Variants in RO60 observed in about 807,000 individuals in gnomAD.
The protein encoded by RO60 is RNA-binding protein RO60.
RO60 carries 20 observed loss-of-function variants against 55.3 expected under a neutral mutation model. The observed-to-expected ratio is 0.36, with a 90% CI of 0.25 to 0.53. RO60 has a LOEUF of 0.53. Ranked by LOEUF, RO60 falls within the 20% of genes least tolerant of loss-of-function variation. RO60 has a pLI of 0.92. For missense variants in RO60, 558 were observed against 646.6 expected (o/e 0.86, Z 1.49); for synonymous variants, 213 against 213.6 (o/e 1.00, Z 0.02).
At chr1:193,064,764 A>G (rs1424704989) in intron 1 of RO60, among the ~76,000 whole-genome samples, 2 of 152,208 alleles carry the variant, frequency 1.3e-5, no homozygotes, top group Admixed American at 6.5e-5. Flanking sequence ...ATATCATAAC[A>G]TGCAAAAGGA....
At chr1:193,074,507 A>C (rs544893425) in intron 2 of RO60, among the ~76,000 whole-genome samples, 7 of 152,228 alleles carry the variant, frequency 4.6e-5, no homozygotes, top group Middle Eastern at 3.4e-3. Flanking sequence ...GCATGTTTTC[A>C]TATGTCTTTT....
intron 1 of RO60, among the ~76,000 whole-genome samples, chr1:193,063,190 T>G (rs750213412): frequency 6.6e-6 from 1 of 152,212 alleles, no homozygotes; most frequent in Admixed American, 6.5e-5. Flanking sequence ...CAACACTTAA[T>G]ATTATTGTTT....
At chr1:193,068,077 G>A in intron 1 of RO60, among the ~76,000 whole-genome samples, 1 of 152,156 alleles carries the variant, frequency 6.6e-6, no homozygotes, top group Admixed American at 6.5e-5. Flanking sequence ...TTAAGAGCCT[G>A]AGCCCCCTTT....
intron 2 of RO60, among the ~76,000 whole-genome samples, chr1:193,072,434 CT>C (rs772802885): frequency 2.5e-3 from 349 of 137,540 alleles, no homozygotes; most frequent in Non-Finnish European, 2.3e-3. Context: ...TTTTCTTTGT[CT>C]TTTTTTTTTT....
chr1:193,084,410 C>T lies in RO60; in HGVS notation c.1465-169C>T, dbSNP rs188246086. Among the ~76,000 whole-genome samples, 378 of 152,288 alleles carry T rather than the reference C, an allele frequency of 2.5e-3. 1 individual carries two copies. Among genetic ancestry groups the T allele is most frequent in the African/African-American group, 8.8e-3 (365 of 41,546 alleles). On this transcript the variant is annotated intron_variant, in intron 8 of 8. Coordinates refer to ENST00000400968, the MANE Select transcript of RO60 (RefSeq NM_001173524.2). ...AGATTCTTATACAATTTTATTGTCC[C>T]TTCTTCTAAAACTCCCATATTCTAG...
rs1443621461 is a variant in RO60 at position 193,076,483 on chromosome 1, C to T, written c.802-18C>T. ...TTTCCCTTAATTCCTGGTATTTCTG[C>T]CTATGTTATTGCAATAGGTATGGAA... On this transcript the variant is annotated intron_variant, in intron 3 of 8. Coordinates refer to ENST00000400968, the MANE Select transcript of RO60 (RefSeq NM_001173524.2). 8 of 1,604,978 alleles carry T rather than the reference C, an allele frequency of 5.0e-6. No homozygotes were observed. Among genetic ancestry groups the T allele is most frequent in the Middle Eastern group, 1.7e-4 (1 of 6,014 alleles).
At chr1:193,063,816 C>T (rs1672940004) in intron 1 of RO60, among the ~76,000 whole-genome samples, 1 of 152,210 alleles carries the variant, frequency 6.6e-6, no homozygotes, top group East Asian at 1.9e-4. Context: ...CAAGACTTCC[C>T]ATAATCCCCT....
At position 193,086,863 on chromosome 1, in the gene RO60, G is replaced by A. The variant is rs576948733; in HGVS notation, c.*2132G>A. On this transcript the variant is annotated 3_prime_UTR_variant, in exon 9 of 9. Coordinates refer to ENST00000400968, the MANE Select transcript of RO60 (RefSeq NM_001173524.2). Reference sequence around the variant, plus strand: ...CACAGAAGGTAACTTTTCAAATCATGGCATATTTGAGCTGGAAGAAACCTT... The same window carrying A: ...CACAGAAGGTAACTTTTCAAATCATAGCATATTTGAGCTGGAAGAAACCTT... 24 of 152,138 alleles carry A rather than the reference G, an allele frequency of 1.6e-4. No homozygotes were observed. The highest frequency in any genetic ancestry group is 3.4e-3 in the Middle Eastern group (1 of 294). The allele number at this position is 152,138 out of a possible 1,614,324, so 9.4% of individuals were successfully genotyped here.
chr1:193,068,834 T>A (rs1247451509), intron 1 of RO60, among the ~76,000 whole-genome samples, 200 bp from the exon 2 acceptor site: 1 of 152,228 alleles, frequency 6.6e-6, no homozygotes, highest in Admixed American at 6.5e-5. Context: ...CAGATATGGT[T>A]TTTTTCTTTC....
At chr1:193,068,260 T>G (rs891479191) in intron 1 of RO60, among the ~76,000 whole-genome samples, 13 of 152,186 alleles carry the variant, frequency 8.5e-5, no homozygotes, top group African/African-American at 2.7e-4. Flanking sequence ...GTATACATGC[T>G]TAGGCCTCAC....
chr1:193,089,664 A>G lies in RO60; in HGVS notation c.*4933A>G, dbSNP rs899427381. On this transcript the variant is annotated 3_prime_UTR_variant, in exon 9 of 9. Transcript: ENST00000400968. Reference sequence around the variant, plus strand: ...TGTGGAAATTACGATGATTATTTTCAGTGAGAATGAATTTATATATACAAC... The same window carrying G: ...TGTGGAAATTACGATGATTATTTTCGGTGAGAATGAATTTATATATACAAC... 1 of 152,166 alleles carries G rather than the reference A, an allele frequency of 6.6e-6. No individual in the cohort carries two copies. Among genetic ancestry groups the G allele is most frequent in the African/African-American group, 2.4e-5 (1 of 41,442 alleles). 9.4% of individuals were successfully genotyped at this position (152,166 alleles called of 1,614,324 possible). A position where few individuals can be genotyped will look rare whatever the true frequency, so the allele number is the denominator to read the frequency against.
rs770523992 is a variant in RO60 at position 193,081,340 on chromosome 1, A to G, written c.1087-24A>G. ...ACTTATAATTTCTGTTATGCTTTTA[A>G]TGATTGTTTTGTTTTCTCTGTAGAC... On this transcript the variant is annotated intron_variant, in intron 5 of 8. Transcript: ENST00000400968. 3.4e-5 allele frequency: 44 copies of G among 1,304,240 alleles called. 1 individual carries two copies. The Admixed American group carries it at 7.4e-4, about 22-fold the overall frequency. The allele number at this position is 1,304,240 out of a possible 1,614,324, so 80.8% of individuals were successfully genotyped here.
chr1:193,077,135 G>A, intron 5 of RO60, 85 bp downstream of exon 5: 3 of 1,306,886 alleles, frequency 2.3e-6, no homozygotes. Flanking sequence ...AGTATTAATA[G>A]TTTAATCATT....
chr1:193,060,867 A>G (rs962766241), intron 1 of RO60, among the ~76,000 whole-genome samples: 3 of 152,252 alleles, frequency 2.0e-5, no homozygotes, highest in Non-Finnish European at 4.4e-5. Flanking sequence ...AGAGTCCAGA[A>G]TGATTGGCAT....
intron 8 of RO60, 90 bp from the exon 9 acceptor site, chr1:193,084,489 T>C: frequency 7.2e-7 from 1 of 1,386,106 alleles, no homozygotes; most frequent in Non-Finnish European, 9.5e-7. Flanking sequence ...AAAGCTCTGG[T>C]AGAGAAATGT....
At chr1:193,080,853 CTAGG>C (rs1451919450) in intron 5 of RO60, among the ~76,000 whole-genome samples, 56 of 152,172 alleles carry the variant, frequency 3.7e-4, no homozygotes, top group African/African-American at 1.2e-3. Context: ...TTGCCAGGGG[CTAGG>C]GAGAGACATG....
chr1:193,059,936 C>A lies in RO60; in HGVS notation c.-22+160C>A. The A allele has an allele frequency of 7.3e-7, 1 of 1,366,388 alleles. No homozygotes were observed. 84.6% of individuals were successfully genotyped at this position (1,366,388 alleles called of 1,614,324 possible). A position where few individuals can be genotyped will look rare whatever the true frequency, so the allele number is the denominator to read the frequency against. On this transcript the variant is annotated intron_variant, in intron 1 of 8. Coordinates refer to ENST00000400968, the MANE Select transcript of RO60 (RefSeq NM_001173524.2). The surrounding 1 kb of genome is among the most constrained non-coding windows in gnomAD (Gnocchi z 4.9). ...TTCCCCGTCCCGCTTCCGCGCCTGTCCACCCTGGGTAACGGAACCAGCATC... is the reference window on the plus strand; with the variant it reads ...TTCCCCGTCCCGCTTCCGCGCCTGTACACCCTGGGTAACGGAACCAGCATC...
chr1:193,082,532 T>G, intron 7 of RO60, 30 bp from the exon 8 acceptor site: 3 of 1,610,080 alleles, frequency 1.9e-6, no homozygotes, highest in South Asian at 1.1e-5. Context: ...ATTTATTTAC[T>G]TATTTATTCA....
rs888141894 is a variant in RO60, at chr1:193,086,397, A to G, written c.*1666A>G. The G allele has an allele frequency of 1.3e-5, 2 of 152,140 alleles. No homozygotes were observed. The highest frequency in any genetic ancestry group is 4.8e-5 in the African/African-American group (2 of 41,436). The allele number at this position is 152,140 out of a possible 1,614,324, so 9.4% of individuals were successfully genotyped here. A position where few individuals can be genotyped will look rare whatever the true frequency, so the allele number is the denominator to read the frequency against. Reference sequence around the variant, plus strand: ...GAGATATTTTTGTTCAGCAAAGCTCATAGCACCCTCACCCCCACTCCAGAC... The same window carrying G: ...GAGATATTTTTGTTCAGCAAAGCTCGTAGCACCCTCACCCCCACTCCAGAC... On this transcript the variant is annotated 3_prime_UTR_variant, in exon 9 of 9. Transcript: ENST00000400968.
Sources: allele counts gnomAD v4.1 joint callset (sites outside exome capture counted in the v4.1 genomes callset), GRCh38; gene constraint gnomAD v4.1.1; non-coding constraint Gnocchi (gnomAD v3.1); transcripts MANE v1.5; gene names NCBI Gene and HGNC (gene_info 2026-07-23, HGNC 2026-07-21).